MACROD2: variants seen among roughly 807,000 people sequenced by gnomAD.
MACROD2 encodes mono-ADP ribosylhydrolase 2, also known as ADP-ribose glycohydrolase MACROD2.
MACROD2 carries 36 observed loss-of-function variants against 70.4 expected under a neutral mutation model. That is an observed-to-expected ratio of 0.51 (90% confidence interval 0.39 to 0.68). The LOEUF is 0.68. Ranked by LOEUF, MACROD2 falls within the 30% of genes least tolerant of loss-of-function variation. The probability of loss-of-function intolerance (pLI) is 0.00; values close to 1 mark genes in which losing one functional copy is unlikely to be tolerated. For missense variants in MACROD2, 496 were observed against 538.4 expected, an observed-to-expected ratio of 0.92 and a Z score of 0.78; for synonymous variants, 172 against 178.8, an observed-to-expected ratio of 0.96 and a Z score of 0.30.
intron 10 of MACROD2, among the ~76,000 whole-genome samples, chr20:15,924,334 C>T (rs74979911): frequency 0.04 from 6,056 of 152,172 alleles, 281 homozygotes; most frequent in East Asian, 0.24. Flanking sequence ...GGAGACTTTC[C>T]CTTTGTGAGT....
At chr20:14,399,399 C>A (rs954540808) in intron 3 of MACROD2, among the ~76,000 whole-genome samples, 1 of 151,920 alleles carries the variant, frequency 6.6e-6, no homozygotes, top group African/African-American at 2.4e-5. Context: ...CTTTAGATAT[C>A]CCTTCACTGT....
At chr20:14,171,375 T>C (rs1331656196) in intron 3 of MACROD2, among the ~76,000 whole-genome samples, 2 of 152,220 alleles carry the variant, frequency 1.3e-5, no homozygotes, top group Admixed American at 6.5e-5. Flanking sequence ...TTTCTTTTCT[T>C]CTTCTGGATT....
chr20:15,757,965 G>T (rs1334493201), intron 8 of MACROD2, among the ~76,000 whole-genome samples: 1 of 152,160 alleles, frequency 6.6e-6, no homozygotes, highest in African/African-American at 2.4e-5. Flanking sequence ...TTCTGACTTT[G>T]TATCTACTCC....
intron 3 of MACROD2, among the ~76,000 whole-genome samples, chr20:14,354,380 G>GT (rs2083152851): frequency 6.6e-6 from 1 of 151,918 alleles, no homozygotes; most frequent in Non-Finnish European, 1.5e-5. Flanking sequence ...TTAAATATTT[G>GT]TTTCTTGTGT....
At chr20:14,786,045 A>G (rs1600662193) in intron 5 of MACROD2, among the ~76,000 whole-genome samples, 1 of 152,118 alleles carries the variant, frequency 6.6e-6, no homozygotes. Context: ...AATGGCTATC[A>G]AGTAGACAAA....
At chr20:15,313,416 A>G (rs1232320974) in intron 6 of MACROD2, among the ~76,000 whole-genome samples, 1 of 149,624 alleles carries the variant, frequency 6.7e-6, no homozygotes, top group African/African-American at 2.5e-5. Context: ...CTGAGGCAGG[A>G]GAATGGCATG....
intron 4 of MACROD2, among the ~76,000 whole-genome samples, chr20:14,526,149 A>G (rs951996514): frequency 6.6e-5 from 10 of 152,246 alleles, no homozygotes; most frequent in African/African-American, 2.4e-4. Context: ...CTCTGACATC[A>G]GTATTTTCCA....
At chr20:15,085,761 A>T (rs2075742172) in intron 5 of MACROD2, among the ~76,000 whole-genome samples, 1 of 151,984 alleles carries the variant, frequency 6.6e-6, no homozygotes, top group Non-Finnish European at 1.5e-5. Flanking sequence ...TATTGCAAAA[A>T]TCACACCACT....
intron 3 of MACROD2, among the ~76,000 whole-genome samples, chr20:14,340,047 GTTAC>G (rs1371337457): frequency 6.6e-6 from 1 of 152,200 alleles, no homozygotes; most frequent in Non-Finnish European, 1.5e-5. Flanking sequence ...GTTATCATGA[GTTAC>G]TTCAGATTGC....
chr20:15,955,913 A>G (rs1159491664), intron 12 of MACROD2, among the ~76,000 whole-genome samples: 1 of 152,160 alleles, frequency 6.6e-6, no homozygotes, highest in Non-Finnish European at 1.5e-5. Context: ...ATGTTTACCT[A>G]TGTAACAAAC....
At chr20:15,364,018 T>C (rs1052784823) in intron 6 of MACROD2, among the ~76,000 whole-genome samples, 21 of 152,170 alleles carry the variant, frequency 1.4e-4, no homozygotes, top group African/African-American at 4.8e-4. Context: ...CTTTGGGTAA[T>C]TAATAAATAA....
chr20:15,147,350 T>C (rs543981016), intron 5 of MACROD2, among the ~76,000 whole-genome samples: 4 of 152,082 alleles, frequency 2.6e-5, no homozygotes, highest in African/African-American at 9.7e-5. Flanking sequence ...ATGTTTTACA[T>C]AGGAAATTTT....
chr20:15,097,715 T>C (rs1281649853), intron 5 of MACROD2, among the ~76,000 whole-genome samples: 1 of 152,172 alleles, frequency 6.6e-6, no homozygotes, highest in African/African-American at 2.4e-5. Context: ...ATCAAGTAGA[T>C]GCTTTAGTGA....
intron 7 of MACROD2, among the ~76,000 whole-genome samples, chr20:15,469,202 T>C (rs2146430773): frequency 6.6e-6 from 1 of 152,276 alleles, no homozygotes; most frequent in East Asian, 1.9e-4. Context: ...CTAGGAAATG[T>C]ATATAATATG....
chr20:14,541,741 A>G (rs745987021), intron 4 of MACROD2, among the ~76,000 whole-genome samples: 11 of 152,180 alleles, frequency 7.2e-5, no homozygotes, highest in Non-Finnish European at 1.6e-4. Flanking sequence ...AAAGAGACGT[A>G]TTACTGTTTA....
At chr20:14,789,893 A>G (rs541549435) in intron 5 of MACROD2, among the ~76,000 whole-genome samples, 146 of 152,214 alleles carry the variant, frequency 9.6e-4, no homozygotes, top group Admixed American at 2.4e-3. Context: ...TCAAAATTAA[A>G]GTGCTCAAAA....
At chr20:15,106,059 A>G (rs1251916613) in intron 5 of MACROD2, among the ~76,000 whole-genome samples, 3 of 152,188 alleles carry the variant, frequency 2.0e-5, no homozygotes, top group Non-Finnish European at 4.4e-5. Flanking sequence ...TAAAATTATA[A>G]CACTGCTTTG....
At chr20:15,229,011 A>G (rs1018480772) in intron 5 of MACROD2, among the ~76,000 whole-genome samples, 1 of 152,194 alleles carries the variant, frequency 6.6e-6, no homozygotes, top group South Asian at 2.1e-4. Flanking sequence ...ATTTACACCA[A>G]TGAAAGGGAC....
chr20:15,910,369 T>C (rs2147265137), intron 10 of MACROD2, among the ~76,000 whole-genome samples: 1 of 151,282 alleles, frequency 6.6e-6, no homozygotes, highest in East Asian at 1.9e-4. Flanking sequence ...AAATTGGGGA[T>C]TGTGATGTGG....
Sources: allele counts gnomAD v4.1 joint callset (sites outside exome capture counted in the v4.1 genomes callset), GRCh38; gene constraint gnomAD v4.1.1; transcripts MANE v1.5; gene names NCBI Gene and HGNC (gene_info 2026-07-23, HGNC 2026-07-21).